STAB2: variants seen among roughly 807,000 people sequenced by gnomAD.
STAB2 encodes the protein stabilin-2.
In STAB2, 288 loss-of-function variants were observed where a neutral mutation model predicts 338.1. The observed-to-expected ratio is 0.85, with a 90% CI of 0.77 to 0.94. The LOEUF (loss-of-function observed/expected upper bound fraction) is 0.94, where lower values mean the gene tolerates loss of function less well. STAB2 is among the 40% of genes least tolerant of loss of function. STAB2 has a pLI of 0.00. For synonymous variants in STAB2, 1,202 were observed against 1,193.3 expected (o/e 1.01, Z -0.15); for missense variants, 3,141 against 3,210.1 (o/e 0.98, Z 0.52).
chr12:103,669,721 C>G, intron 21 of STAB2, 94 bp downstream of exon 21: 1 of 1,138,350 alleles, frequency 8.8e-7, no homozygotes, highest in East Asian at 2.4e-5. Context: ...GCTACTCTTC[C>G]CAGGAAGCAA....
chr12:103,667,024 G>A lies in STAB2; in HGVS notation c.2085+671G>A, dbSNP rs938860925. Among the ~76,000 whole-genome samples the A allele has an allele frequency of 3.3e-5, 5 of 152,284 alleles. No homozygotes were observed. In the Middle Eastern group the frequency reaches 0.01, roughly 311 times the overall value. Reference sequence around the variant, plus strand: ...CCAAGGACTCTATTGGTGGTAAAAAGCAAAGTGTTCTAAGGCAAAAATGAT... The same window carrying A: ...CCAAGGACTCTATTGGTGGTAAAAAACAAAGTGTTCTAAGGCAAAAATGAT... On this transcript the variant is annotated intron_variant, in intron 19 of 68. Transcript: ENST00000388887.
intron 3 of STAB2, among the ~76,000 whole-genome samples, chr12:103,600,850 G>C (rs1477218572): frequency 1.3e-5 from 1 of 74,454 alleles, no homozygotes; most frequent in Non-Finnish European, 2.4e-5. Flanking sequence ...AAGAACTGTG[G>C]AACTCCTGAC....
chr12:103,661,725 C>G (rs1486747326), intron 17 of STAB2, among the ~76,000 whole-genome samples: 3 of 152,118 alleles, frequency 2.0e-5, no homozygotes, highest in Non-Finnish European at 2.9e-5. Flanking sequence ...GGGGAACAAA[C>G]AGTGTGAATA....
chr12:103,753,567 C>CT (rs2139199326), intron 61 of STAB2, among the ~76,000 whole-genome samples: 1 of 152,264 alleles, frequency 6.6e-6, no homozygotes, highest in African/African-American at 2.4e-5. Context: ...ATTGTTCATC[C>CT]TTACAACATC....
intron 9 of STAB2, among the ~76,000 whole-genome samples, chr12:103,647,243 G>A (rs1193662622): frequency 6.6e-6 from 1 of 152,094 alleles, no homozygotes; most frequent in Non-Finnish European, 1.5e-5. Context: ...GAGGGTGGTA[G>A]GATTCTGAAG....
At chr12:103,600,608 T>C (rs1956939589) in intron 3 of STAB2, among the ~76,000 whole-genome samples, 1 of 152,156 alleles carries the variant, frequency 6.6e-6, no homozygotes, top group African/African-American at 2.4e-5. Context: ...CATATGAATT[T>C]AGGGAGACAC....
At chr12:103,766,163 C>A (rs1456117611) in intron 68 of STAB2, 123 bp from the exon 69 acceptor site, 3 of 1,316,684 alleles carry the variant, frequency 2.3e-6, no homozygotes, top group Non-Finnish European at 3.3e-6. Flanking sequence ...ACAAACACGC[C>A]CAGCACATAC....
rs780554825 is a variant in STAB2, at chr12:103,654,608, A to G, written c.1461A>G (p.Ile487Met). The G allele has an allele frequency of 1.2e-6, 2 of 1,614,196 alleles. No individual in the cohort carries two copies. The highest frequency in any genetic ancestry group is 2.2e-5 in the South Asian group (2 of 91,076). The change falls in exon 13 of 69, where the codon ATA (isoleucine) becomes ATG (methionine). Residue 487 changes from isoleucine (I) to methionine (M), a missense_variant. Physicochemically the swap from Ile to Met is conservative, Grantham distance 10. Coordinates refer to ENST00000388887, the MANE Select transcript of STAB2 (RefSeq NM_017564.10). ...GAGGCAAAAAGAAGGTAAAAATTATACAAGGGGACATCATTGCTTCCAATG... is the reference window on the plus strand; with the variant it reads ...GAGGCAAAAAGAAGGTAAAAATTATGCAAGGGGACATCATTGCTTCCAATG... The part of the protein sequence containing the change: ...LHGGKKKVKI[I>M]QGDIIASNGL...
At chr12:103,683,176 T>C (rs776192572) in intron 25 of STAB2, 29 bp from the exon 26 acceptor site, 2 of 1,596,408 alleles carry the variant, frequency 1.3e-6, no homozygotes, top group Non-Finnish European at 1.7e-6. Flanking sequence ...CTTTCAATAA[T>C]CCACTTGACT....
intron 63 of STAB2, 148 bp from the exon 64 acceptor site, chr12:103,758,022 A>T: frequency 8.5e-7 from 1 of 1,172,906 alleles, no homozygotes; most frequent in Non-Finnish European, 1.2e-6. Context: ...CCCACGGCGC[A>T]GGCAGAAGAC....
intron 39 of STAB2, among the ~76,000 whole-genome samples, chr12:103,710,378 T>C (rs960936305): frequency 1.3e-5 from 2 of 152,192 alleles, no homozygotes; most frequent in Non-Finnish European, 2.9e-5. Context: ...AATTGTGGTA[T>C]GGAGTACAAA....
chr12:103,652,593 A>G lies in STAB2; in HGVS notation c.1295A>G (p.Tyr432Cys). The G allele has an allele frequency of 6.2e-7, 1 of 1,607,948 alleles. No individual in the cohort carries two copies. Among genetic ancestry groups the G allele is most frequent in the South Asian group, 1.1e-5 (1 of 88,796 alleles). The change falls in exon 12 of 69, where the codon TAC (tyrosine) becomes TGC (cysteine). Residue 432 changes from tyrosine (Y) to cysteine (C), a missense_variant. Physicochemically the swap from Tyr to Cys is radical, Grantham distance 194. Transcript: ENST00000388887. Reference protein sequence around the residue: ...ELLVDNKAAQYFVKLHIIAGQ... With the variant: ...ELLVDNKAAQCFVKLHIIAGQ... ...TTGGTGGATAATAAAGCTGCTCAATACTTTGTGAAACTCCACATAATTGCT... is the reference window on the plus strand; with the variant it reads ...TTGGTGGATAATAAAGCTGCTCAATGCTTTGTGAAACTCCACATAATTGCT...
At chr12:103,651,746 T>G (rs925528140) in intron 11 of STAB2, among the ~76,000 whole-genome samples, 1 of 152,140 alleles carries the variant, frequency 6.6e-6, no homozygotes, top group Non-Finnish European at 1.5e-5. Flanking sequence ...AATAAAAGAT[T>G]GAAATCTGGG....
At position 103,761,367 on chromosome 12, in the gene STAB2, T is replaced by C; in HGVS notation, c.7316T>C (p.Ile2439Thr). The C allele has an allele frequency of 6.2e-7, 1 of 1,613,968 alleles. No individual in the cohort carries two copies. The highest frequency in any genetic ancestry group is 2.2e-5 in the East Asian group (1 of 44,872). The part of the protein sequence containing the change: ...QWDIFASNGI[I>T]HVISRPLKAP... Reference sequence around the variant, plus strand: ...GACATCTTTGCCTCCAATGGGATCATTCATGTCATTTCCAGGCCTTTAAAA... The same window carrying C: ...GACATCTTTGCCTCCAATGGGATCACTCATGTCATTTCCAGGCCTTTAAAA... Residue 2439 changes from isoleucine (I) to threonine (T), a missense_variant, in exon 66 of 69, where the codon ATT becomes ACT. Physicochemically the swap from Ile to Thr is moderately conservative, Grantham distance 89 (BLOSUM62 -1). Coordinates refer to ENST00000388887, the MANE Select transcript of STAB2 (RefSeq NM_017564.10).
At chr12:103,640,019 CTGAG>C (rs1178066056) in intron 8 of STAB2, 100 bp from the exon 9 acceptor site, 44 of 1,400,950 alleles carry the variant, frequency 3.1e-5, no homozygotes, top group African/African-American at 7.2e-5. Flanking sequence ...CAGACATACT[CTGAG>C]TGAGTTTTTA....
Position 103,766,444 on chromosome 12 carries a change from G to GT in STAB2, c.*108_*109insT. On this transcript the variant is annotated 3_prime_UTR_variant, in exon 69 of 69. Coordinates refer to ENST00000388887, the MANE Select transcript of STAB2 (RefSeq NM_017564.10). ...GAACGTAAAGTCCTTTAAGCACTCA[G>GT]AAGCCATACCTCATCTCTCTGGCTG... The GT allele has an allele frequency of 7.8e-7, 1 of 1,289,570 alleles. No individual in the cohort carries two copies. The highest frequency in any genetic ancestry group is 1.1e-6 in the Non-Finnish European group (1 of 931,478). 79.9% of individuals were successfully genotyped at this position (1,289,570 alleles called of 1,614,324 possible). A position where few individuals can be genotyped will look rare whatever the true frequency, so the allele number is the denominator to read the frequency against.
At chr12:103,643,137 C>G (rs759486021) in intron 9 of STAB2, among the ~76,000 whole-genome samples, 3 of 152,104 alleles carry the variant, frequency 2.0e-5, no homozygotes, top group Non-Finnish European at 4.4e-5. Context: ...ACTGTGTCCT[C>G]CCAAGGTGGA....
At chr12:103,675,547 G>A (rs760563209) in intron 23 of STAB2, among the ~76,000 whole-genome samples, 5 of 152,272 alleles carry the variant, frequency 3.3e-5, no homozygotes, top group Non-Finnish European at 4.4e-5. Flanking sequence ...GGTAAAATAA[G>A]AGCAGAGACA....
At chr12:103,749,215 G>C in intron 59 of STAB2, 59 bp downstream of exon 59, 2 of 1,510,804 alleles carry the variant, frequency 1.3e-6, no homozygotes, top group Non-Finnish European at 1.8e-6. Context: ...GCTCCTCCTT[G>C]CCTTTCCACC....
Sources: gnomAD v4.1 joint callset for allele counts (sites outside exome capture counted in the v4.1 genomes callset) on GRCh38, gnomAD v4.1.1 for gene constraint, MANE v1.5 for transcripts, NCBI Gene and HGNC (gene_info 2026-07-23, HGNC 2026-07-21) for gene names.